HSDL1: variants seen among roughly 807,000 people sequenced by gnomAD.
HSDL1 encodes inactive hydroxysteroid dehydrogenase-like protein 1.
A neutral mutation model predicts 31.5 loss-of-function variants in HSDL1; 29 were observed. That is an observed-to-expected ratio of 0.92 (90% CI 0.69 to 1.26). The LOEUF is 1.26. Among genes scored for constraint, HSDL1 ranks in the 50% most tolerant of loss-of-function variants. The pLI is 0.00. For synonymous variants in HSDL1, 222 were observed against 155.2 expected, an observed-to-expected ratio of 1.43 and a Z score of -3.20; for missense variants, 503 against 416.6, an observed-to-expected ratio of 1.21 and a Z score of -1.81.
chr16:84,136,211 G>A (rs1052563122), intron 1 of HSDL1, among the ~76,000 whole-genome samples: 5 of 152,238 alleles, frequency 3.3e-5, no homozygotes, highest in African/African-American at 9.6e-5. Flanking sequence ...CAGGGTGGCA[G>A]GGAGGAAGGC....
chr16:84,131,221 G>T lies in HSDL1; in HGVS notation c.101C>A (p.Ala34Asp), dbSNP rs778119553. 2 of 1,614,078 alleles carry T rather than the reference G, an allele frequency of 1.2e-6. No homozygotes were observed. Among genetic ancestry groups the T allele is most frequent in the Non-Finnish European group, 1.7e-6 (2 of 1,179,976 alleles). The change falls in exon 3 of 6, where the codon GCC becomes GAC. Residue 34 changes from alanine (A) to aspartate (D), a missense_variant. Ala to Asp is a moderately radical substitution (Grantham distance 126). Coordinates refer to ENST00000219439, the MANE Select transcript of HSDL1 (RefSeq NM_031463.5). ...ACAGATGACAGTGATGCTTTTTCTG[G>T]CCGTATACCAGGCTCCAACCAAAGC... Reference protein sequence around the residue: ...ALALVGAWYTARKSITVICDF... With the variant: ...ALALVGAWYTDRKSITVICDF...
At chr16:84,131,705 G>C (rs1183246955) in intron 2 of HSDL1, among the ~76,000 whole-genome samples, 2 of 143,234 alleles carry the variant, frequency 1.4e-5, no homozygotes, top group Admixed American at 7.0e-5. Context: ...TTTTGAGACG[G>C]AGTCTCGCTG....
chr16:84,142,069 G>A (rs550983750), intron 1 of HSDL1, among the ~76,000 whole-genome samples: 4 of 152,064 alleles, frequency 2.6e-5, no homozygotes, highest in South Asian at 2.1e-4. Flanking sequence ...CTGGGACACA[G>A]GCATGTACCA....
In HSDL1 at chr16:84,129,708, C is replaced by G. The variant is rs2086643220; in HGVS notation, c.734G>C (p.Ser245Thr). 1 of 1,614,182 alleles carries G rather than the reference C, an allele frequency of 6.2e-7. No individual in the cohort carries two copies. Among genetic ancestry groups the G allele is most frequent in the African/African-American group, 1.3e-5 (1 of 75,032 alleles). ...EYASKGIFVQ[S>T]LIPFYVATSM... is the part of the protein sequence containing the mutation. The stretch of plus-strand genomic sequence containing the variant: ...GGTGGCTACATAGAAAGGGATTAGA[C>G]TCTGTACAAAGATTCCTTTAGAGGC... Residue 245 changes from serine (S) to threonine (T), a missense_variant, in exon 5 of 6, where the codon AGT becomes ACT. Physicochemically the swap from Ser to Thr is moderately conservative, Grantham distance 58 (BLOSUM62 1). Coordinates refer to ENST00000219439, the MANE Select transcript of HSDL1 (RefSeq NM_031463.5).
At chr16:84,128,501 T>G (rs2086630490) in intron 5 of HSDL1, among the ~76,000 whole-genome samples, 1 of 152,176 alleles carries the variant, frequency 6.6e-6, no homozygotes, top group African/African-American at 2.4e-5. Flanking sequence ...CTATGCTTCT[T>G]GAAAAAATTA....
chr16:84,137,884 G>C (rs1368708811), intron 1 of HSDL1, among the ~76,000 whole-genome samples: 1 of 152,222 alleles, frequency 6.6e-6, no homozygotes, highest in Non-Finnish European at 1.5e-5. Flanking sequence ...CCTCGTCAAA[G>C]TTACTTTAGG....
rs569630771 is a variant in HSDL1 at position 84,130,681 on chromosome 16, A to C, written c.221-250T>G. 1.4e-4 allele frequency among the ~76,000 whole-genome samples: 21 copies of C among 152,338 alleles called. No homozygotes were observed. The South Asian group carries it at 2.9e-3, about 21-fold the overall frequency. On this transcript the variant is annotated intron_variant, in intron 3 of 5. Coordinates refer to ENST00000219439, the MANE Select transcript of HSDL1 (RefSeq NM_031463.5). ...ACATTCACCATATTGGTTAGGAGAC[A>C]CAGTAGGAATTTGTTTTCAAACTAC...
chr16:84,140,224 G>A (rs1480136136), intron 1 of HSDL1, among the ~76,000 whole-genome samples: 1 of 152,156 alleles, frequency 6.6e-6, no homozygotes, highest in Non-Finnish European at 1.5e-5. Context: ...ACAGGCCTCT[G>A]GAGGGCAGGA....
In HSDL1 at chr16:84,123,763, A is replaced by C. The variant is rs2086576833; in HGVS notation, c.*867T>G. On this transcript the variant is annotated 3_prime_UTR_variant, in exon 6 of 6. Coordinates refer to ENST00000219439, the MANE Select transcript of HSDL1 (RefSeq NM_031463.5). ...CAGTTATAAAATGGGTCAGAGGCTG[A>C]GAAATCACTATTTATCCACAAGAAT... is the stretch of plus-strand genomic sequence containing the variant. 6.6e-6 allele frequency: 1 copy of C among 152,522 alleles called. No individual in the cohort carries two copies. The highest frequency in any genetic ancestry group is 2.4e-5 in the African/African-American group (1 of 41,460). The allele number at this position is 152,522 out of a possible 1,614,324, so 9.4% of individuals were successfully genotyped here.
intron 1 of HSDL1, among the ~76,000 whole-genome samples, chr16:84,136,501 C>T (rs966377489): frequency 3.9e-5 from 6 of 152,254 alleles, no homozygotes; most frequent in Non-Finnish European, 5.9e-5. Context: ...GTCTTCCTGT[C>T]CAGCGCTCAG....
intron 1 of HSDL1, among the ~76,000 whole-genome samples, chr16:84,137,805 T>C (rs2086726040): frequency 6.6e-6 from 1 of 152,230 alleles, no homozygotes; most frequent in Non-Finnish European, 1.5e-5. Flanking sequence ...AGCCTCTCAC[T>C]GAAACTTTCA....
chr16:84,131,482 A>AGTCTGTCTGTCTGTCTGTCT (rs199649791), intron 2 of HSDL1, among the ~76,000 whole-genome samples, 155 bp from the exon 3 acceptor site: 164 of 139,318 alleles, frequency 1.2e-3, no homozygotes, highest in African/African-American at 4.4e-3. Context: ...TCACAGTTTC[A>AGTCTGTCTGTCTGTCTGTCT]GTCTATCTAT....
Position 84,129,675 on chromosome 16 carries a change from G to C in HSDL1, c.767C>G (p.Thr256Arg). Residue 256 changes from threonine (T) to arginine (R), a missense_variant, in exon 5 of 6, where the codon ACA (threonine) becomes AGA (arginine). Coordinates refer to ENST00000219439, the MANE Select transcript of HSDL1 (RefSeq NM_031463.5). The part of the protein sequence containing the change: ...LIPFYVATSM[T>R]APSNFLHRCS... ...CCTGTGCAGAAAGTTGCTGGGTGCT[G>C]TCATGCTGGTGGCTACATAGAAAGG... is the stretch of plus-strand genomic sequence containing the variant. The C allele has an allele frequency of 6.2e-7, 1 of 1,614,190 alleles. No homozygotes were observed. Among genetic ancestry groups the C allele is most frequent in the Non-Finnish European group, 8.5e-7 (1 of 1,180,000 alleles).
chr16:84,137,957 G>A (rs1597379010), intron 1 of HSDL1, among the ~76,000 whole-genome samples: 1 of 151,300 alleles, frequency 6.6e-6, no homozygotes, highest in African/African-American at 2.5e-5. Context: ...GCTACGGTCT[G>A]AGCGTTCCGC....
chr16:84,127,410 T>C (rs2086620130), intron 5 of HSDL1, among the ~76,000 whole-genome samples: 1 of 151,510 alleles, frequency 6.6e-6, no homozygotes, highest in African/African-American at 2.4e-5. Context: ...GAGATGGGGT[T>C]TCACCATGTT....
At chr16:84,143,179 C>T (rs1028934942) in intron 1 of HSDL1, among the ~76,000 whole-genome samples, 2 of 152,144 alleles carry the variant, frequency 1.3e-5, no homozygotes, top group African/African-American at 4.8e-5. Flanking sequence ...TCACAACTGC[C>T]AGAAGGCAGA....
chr16:84,130,192 C>T lies in HSDL1; in HGVS notation c.460G>A (p.Val154Met), dbSNP rs2086648884. ...AAATACTGCGGGTAGGGATAAAACACACCCACGTTATTTACCAAGATGCCA... is the reference window on the plus strand; with the variant it reads ...AAATACTGCGGGTAGGGATAAAACATACCCACGTTATTTACCAAGATGCCA... Reference protein sequence around the residue: ...DVGILVNNVGVFYPYPQYFTQ... With the variant: ...DVGILVNNVGMFYPYPQYFTQ... Residue 154 changes from valine to methionine, a missense_variant, in exon 4 of 6, where the codon GTG (valine) becomes ATG (methionine). Coordinates refer to ENST00000219439, the MANE Select transcript of HSDL1 (RefSeq NM_031463.5). 5 of 1,614,090 alleles carry T rather than the reference C, an allele frequency of 3.1e-6. No individual in the cohort carries two copies. The highest frequency in any genetic ancestry group is 1.7e-5 in the Admixed American group (1 of 60,004).
chr16:84,136,096 A>G (rs2086710127), intron 1 of HSDL1, among the ~76,000 whole-genome samples: 2 of 152,210 alleles, frequency 1.3e-5, no homozygotes, highest in African/African-American at 4.8e-5. Context: ...TCCCTGGAAC[A>G]TCCACATTGC....
intron 5 of HSDL1, among the ~76,000 whole-genome samples, chr16:84,125,629 C>G (rs1214710956): frequency 6.6e-6 from 1 of 152,218 alleles, no homozygotes; most frequent in Non-Finnish European, 1.5e-5. Context: ...GAAAAAGCCT[C>G]CAGGTACTAC....
Sources: allele counts gnomAD v4.1 joint callset (sites outside exome capture counted in the v4.1 genomes callset), GRCh38; gene constraint gnomAD v4.1.1; transcripts MANE v1.5; gene names NCBI Gene and HGNC (gene_info 2026-07-23, HGNC 2026-07-21).